PGM5: variants seen among roughly 807,000 people sequenced by gnomAD.
PGM5 encodes phosphoglucomutase-like protein 5.
In PGM5, 23 loss-of-function variants were observed where a neutral mutation model predicts 59.2. The observed-to-expected ratio is 0.39, with a 90% confidence interval of 0.28 to 0.55. The LOEUF (loss-of-function observed/expected upper bound fraction) is 0.55. PGM5 is among the 20% of genes least tolerant of loss of function. PGM5 has a pLI of 0.66. For missense variants in PGM5, 574 were observed against 748.3 expected (o/e 0.77, Z 2.72); for synonymous variants, 214 against 286.0 (o/e 0.75, Z 2.54).
intron 4 of PGM5, among the ~76,000 whole-genome samples, chr9:68,389,589 C>G (rs1442199150): frequency 1.2e-4 from 18 of 152,230 alleles, no homozygotes; most frequent in African/African-American, 4.3e-4. Context: ...GTTCCTTTTA[C>G]TGCTGAGTAC....
At chr9:68,370,904 A>G (rs2810255) in intron 1 of PGM5, among the ~76,000 whole-genome samples, 2 of 152,164 alleles carry the variant, frequency 1.3e-5, no homozygotes, top group African/African-American at 4.8e-5. Flanking sequence ...AGTCATGGCT[A>G]GGTAGGAACA....
At chr9:68,371,256 G>A (rs1470580557) in intron 1 of PGM5, among the ~76,000 whole-genome samples, 1 of 152,214 alleles carries the variant, frequency 6.6e-6, no homozygotes, top group Admixed American at 6.5e-5. Context: ...GCCATGGCTT[G>A]GTCCTCCCTG....
chr9:68,385,863 A>G (rs1369106657), intron 3 of PGM5, among the ~76,000 whole-genome samples: 1 of 152,084 alleles, frequency 6.6e-6, no homozygotes, highest in East Asian at 1.9e-4. Context: ...GGAGATAGGT[A>G]GAGAGATTCC....
At chr9:68,451,319 A>G (rs1442832471) in intron 6 of PGM5, among the ~76,000 whole-genome samples, 1 of 152,256 alleles carries the variant, frequency 6.6e-6, no homozygotes, top group Non-Finnish European at 1.5e-5. Context: ...TTAATATTCA[A>G]GAAATCACTA....
rs2132010504 is a variant in PGM5, at chr9:68,391,562, G to A, written c.726G>A (p.Leu242=). Residue 242 remains leucine, a synonymous_variant, in exon 5 of 11, where the codon CTG becomes CTA. Coordinates refer to ENST00000396396, the MANE Select transcript of PGM5 (RefSeq NM_021965.4). ...GVMGPYVRKV[L]CDELGAPANS... is the part of the protein sequence containing the mutation. ...TGGGACCTTATGTGAGAAAAGTTCT[G>A]TGTGATGAGCTGGGGGCCCCAGCCA... The A allele has an allele frequency of 2.5e-6, 4 of 1,613,360 alleles. No homozygotes were observed. In the South Asian group the frequency reaches 4.4e-5, roughly 18 times the overall value.
At position 68,399,718 on chromosome 9, in the gene PGM5, G is replaced by T. The variant is rs183436947; in HGVS notation, c.1043+7245G>T. On this transcript the variant is annotated intron_variant, in intron 6 of 10. Coordinates refer to ENST00000396396, the MANE Select transcript of PGM5 (RefSeq NM_021965.4). ...CTTGGATGATCTAGATACCAGACCC[G>T]TTGTCAGTTTTAGGCACTTCTAATT... 2.6e-4 allele frequency among the ~76,000 whole-genome samples: 39 copies of T among 151,888 alleles called. No homozygotes were observed. In the East Asian group the frequency reaches 6.6e-3, roughly 26 times the overall value.
chr9:68,500,093 G>A (rs1200923102), intron 10 of PGM5, among the ~76,000 whole-genome samples: 1 of 144,860 alleles, frequency 6.9e-6, no homozygotes, highest in African/African-American at 2.5e-5. Flanking sequence ...GGGTTTTGAA[G>A]CAAGGTCCTT....
chr9:68,386,357 T>C (rs1822218156), intron 3 of PGM5, among the ~76,000 whole-genome samples: 1 of 152,174 alleles, frequency 6.6e-6, no homozygotes, highest in African/African-American at 2.4e-5. Flanking sequence ...TGTAAAAAGA[T>C]AATTTAAAAG....
chr9:68,514,024 A>G (rs1554689564), intron 10 of PGM5, among the ~76,000 whole-genome samples: 1 of 152,238 alleles, frequency 6.6e-6, no homozygotes. Flanking sequence ...TACTTTTGCT[A>G]CACTAAAGGT....
At chr9:68,401,434 T>C (rs1475916165) in intron 6 of PGM5, among the ~76,000 whole-genome samples, 1 of 152,204 alleles carries the variant, frequency 6.6e-6, no homozygotes, top group African/African-American at 2.4e-5. Context: ...AAGGGCATTG[T>C]CGTTATTTAG....
intron 10 of PGM5, among the ~76,000 whole-genome samples, chr9:68,500,535 C>T (rs192169564): frequency 6.6e-6 from 1 of 152,266 alleles, no homozygotes; most frequent in Admixed American, 6.5e-5. Flanking sequence ...TTGGCTCTTC[C>T]TCTCAGGATC....
intron 6 of PGM5, among the ~76,000 whole-genome samples, chr9:68,424,429 C>T (rs1361093166): frequency 1.3e-5 from 2 of 152,146 alleles, no homozygotes; most frequent in East Asian, 3.9e-4. Flanking sequence ...AGGGGCAAGG[C>T]AGCTCTCAGG....
intron 8 of PGM5, among the ~76,000 whole-genome samples, chr9:68,481,454 C>T (rs2132091200): frequency 6.6e-6 from 1 of 152,322 alleles, no homozygotes. Context: ...CTTTTCCTGG[C>T]ATACCAAGAG....
At chr9:68,498,919 C>T (rs424970) in intron 9 of PGM5, 247,852 of 313,774 alleles carry the variant, frequency 0.79, 98,897 homozygotes, top group East Asian at 0.99. Context: ...CATTTCATCC[C>T]TGTGACTTCC....
At chr9:68,472,468 T>G (rs1824035794) in intron 7 of PGM5, among the ~76,000 whole-genome samples, 1 of 152,074 alleles carries the variant, frequency 6.6e-6, no homozygotes, top group African/African-American at 2.4e-5. Flanking sequence ...CCATCTTGAC[T>G]CCCCCTCTCT....
intron 10 of PGM5, among the ~76,000 whole-genome samples, chr9:68,527,861 T>C (rs1409311236): frequency 1.3e-5 from 2 of 152,188 alleles, no homozygotes. Context: ...CCCAAAACAC[T>C]TCAATGCCTC....
intron 1 of PGM5, among the ~76,000 whole-genome samples, chr9:68,369,756 A>G (rs782466447): frequency 9.2e-5 from 14 of 152,166 alleles, no homozygotes; most frequent in Middle Eastern, 3.4e-3. Flanking sequence ...ACTCTCATCC[A>G]TCTCTCCAGC....
chr9:68,450,551 A>G (rs765089483), intron 6 of PGM5, among the ~76,000 whole-genome samples: 5 of 152,258 alleles, frequency 3.3e-5, no homozygotes, highest in Non-Finnish European at 5.9e-5. Context: ...TAAGGCCACT[A>G]TCTGGGAATT....
intron 2 of PGM5, among the ~76,000 whole-genome samples, chr9:68,382,570 C>T (rs1178798889): frequency 6.6e-6 from 1 of 151,650 alleles, no homozygotes; most frequent in Non-Finnish European, 1.5e-5. Context: ...TTATTTTATG[C>T]ACTTTAAAAT....
Sources: gnomAD v4.1 joint callset for allele counts (sites outside exome capture counted in the v4.1 genomes callset) on GRCh38, gnomAD v4.1.1 for gene constraint, MANE v1.5 for transcripts, NCBI Gene and HGNC (gene_info 2026-07-23, HGNC 2026-07-21) for gene names.